The following LRRIQ1 variants were observed in gnomAD, a reference collection of about 807,000 sequenced individuals.
The protein encoded by LRRIQ1 is leucine-rich repeat- and IQ domain-containing protein 1.
In LRRIQ1, 210 loss-of-function variants were observed where a neutral mutation model predicts 211.9. That is an observed-to-expected ratio of 0.99 (90% CI 0.89 to 1.11). The LOEUF is 1.11. Among genes scored for constraint, LRRIQ1 ranks in the 50% most tolerant of loss-of-function variants. The pLI is 0.00. For synonymous variants in LRRIQ1, 699 were observed against 650.1 expected (o/e 1.08, Z -1.14); for missense variants, 2,136 against 1,939.5 (o/e 1.10, Z -1.90).
At chr12:85,214,503 G>C (rs1437294546) in intron 24 of LRRIQ1, among the ~76,000 whole-genome samples, 1 of 152,082 alleles carries the variant, frequency 6.6e-6, no homozygotes, top group Non-Finnish European at 1.5e-5. Flanking sequence ...GGTATGATAT[G>C]GTGGTAATTG....
chr12:85,190,292 T>A (rs1287157689), intron 24 of LRRIQ1, among the ~76,000 whole-genome samples: 3 of 145,510 alleles, frequency 2.1e-5, no homozygotes, highest in African/African-American at 7.4e-5. Context: ...ATACAGTTAA[T>A]AATTTATGTT....
chr12:85,146,300 C>A (rs1294831354), intron 19 of LRRIQ1, among the ~76,000 whole-genome samples: 1 of 151,712 alleles, frequency 6.6e-6, no homozygotes, highest in African/African-American at 2.4e-5. Flanking sequence ...TAATTGTCCA[C>A]CCCATGGGAT....
At chr12:85,184,066 C>T (rs560676306) in intron 24 of LRRIQ1, among the ~76,000 whole-genome samples, 2 of 152,068 alleles carry the variant, frequency 1.3e-5, no homozygotes, top group Admixed American at 1.3e-4. Context: ...TTTCCTGTCC[C>T]TAAATAAGGT....
chr12:85,099,144 A>G (rs1024178688), intron 13 of LRRIQ1, 150 bp downstream of exon 13: 27 of 424,548 alleles, frequency 6.4e-5, no homozygotes, highest in Middle Eastern at 1.4e-3. Context: ...AAATAACATT[A>G]TAGAATTTTT....
chr12:85,199,045 C>T (rs1244054289), intron 24 of LRRIQ1, among the ~76,000 whole-genome samples: 1 of 152,088 alleles, frequency 6.6e-6, no homozygotes, highest in Non-Finnish European at 1.5e-5. Context: ...CAAGTATTTT[C>T]TCCCGTTCTG....
intron 24 of LRRIQ1, among the ~76,000 whole-genome samples, chr12:85,229,179 T>C (rs2137177373): frequency 6.6e-6 from 1 of 152,220 alleles, no homozygotes; most frequent in East Asian, 1.9e-4. Flanking sequence ...AAAAGACAGA[T>C]AGGGAACAGA....
At chr12:85,077,593 G>C (rs1203425030) in intron 11 of LRRIQ1, among the ~76,000 whole-genome samples, 2 of 152,104 alleles carry the variant, frequency 1.3e-5, no homozygotes, top group Non-Finnish European at 2.9e-5. Context: ...TCCTAAGATA[G>C]GACTTGCTAT....
At chr12:85,212,152 G>A (rs139539563) in intron 24 of LRRIQ1, among the ~76,000 whole-genome samples, 336 of 152,100 alleles carry the variant, frequency 2.2e-3, no homozygotes, top group African/African-American at 7.8e-3. Context: ...AGGTGTGGTG[G>A]CATGCACCTG....
At chr12:85,250,962 T>TAATATATTTTATATATTA (rs71076119) in intron 1 of LRRIQ1, among the ~76,000 whole-genome samples, 60 of 80,982 alleles carry the variant, frequency 7.4e-4, no homozygotes, top group East Asian at 1.2e-3. Flanking sequence ...ATATTATATA[T>TAATATATTTTATATATTA]TATATTATAT....
At chr12:85,117,816 A>T (rs1333270017) in intron 15 of LRRIQ1, among the ~76,000 whole-genome samples, 2 of 152,188 alleles carry the variant, frequency 1.3e-5, no homozygotes, top group Non-Finnish European at 2.9e-5. Flanking sequence ...TCATTAGTTC[A>T]TACCTGGCAT....
intron 24 of LRRIQ1, among the ~76,000 whole-genome samples, chr12:85,183,876 T>C (rs191242750): frequency 6.6e-6 from 1 of 152,242 alleles, no homozygotes; most frequent in African/African-American, 2.4e-5. Flanking sequence ...TCTTATAAAA[T>C]CTGTTTATGT....
In LRRIQ1 at chr12:85,124,457, G is replaced by A. The variant is rs776060819; in HGVS notation, c.3945G>A (p.Lys1315=). 6 of 1,613,686 alleles carry A rather than the reference G, an allele frequency of 3.7e-6. No homozygotes were observed. Among genetic ancestry groups the A allele is most frequent in the Admixed American group, 3.3e-5 (2 of 60,006 alleles). ...SSIPTIRIPF[K]EVVMTNSLLR... Reference sequence around the variant, plus strand: ...TTCCCACCATAAGAATCCCATTTAAGGAAGTAGTAATGACAAATTCTTTGC... The same window carrying A: ...TTCCCACCATAAGAATCCCATTTAAAGAAGTAGTAATGACAAATTCTTTGC... Residue 1315 remains lysine, a synonymous_variant, in exon 17 of 27, where the codon AAG becomes AAA. Coordinates refer to ENST00000393217, the MANE Select transcript of LRRIQ1 (RefSeq NM_001079910.2).
intron 11 of LRRIQ1, among the ~76,000 whole-genome samples, chr12:85,080,379 A>G (rs1381286758): frequency 6.6e-6 from 1 of 151,752 alleles, no homozygotes; most frequent in Non-Finnish European, 1.5e-5. Flanking sequence ...ATGTTAACAG[A>G]TATAATTATT....
chr12:85,081,737 T>C (rs1884312991), intron 11 of LRRIQ1, among the ~76,000 whole-genome samples: 1 of 147,080 alleles, frequency 6.8e-6, no homozygotes. Flanking sequence ...TTTTTTTTTT[T>C]TTTTTTGAGA....
intron 24 of LRRIQ1, among the ~76,000 whole-genome samples, chr12:85,168,707 C>A (rs1296086293): frequency 6.6e-6 from 1 of 152,132 alleles, no homozygotes; most frequent in Admixed American, 6.5e-5. Context: ...AGGGCATACA[C>A]AGCCTTCTGG....
chr12:85,087,543 A>G (rs1055976101), intron 11 of LRRIQ1, among the ~76,000 whole-genome samples: 2 of 152,220 alleles, frequency 1.3e-5, no homozygotes, highest in Non-Finnish European at 2.9e-5. Context: ...TGGTTGAACT[A>G]GTTTACAGTC....
chr12:85,099,725 A>G (rs1034632470), intron 13 of LRRIQ1, among the ~76,000 whole-genome samples: 2 of 151,948 alleles, frequency 1.3e-5, no homozygotes, highest in East Asian at 1.9e-4. Context: ...AAGTTATACA[A>G]TGCTCACAAA....
intron 11 of LRRIQ1, among the ~76,000 whole-genome samples, chr12:85,096,557 T>C (rs1885896002): frequency 6.6e-6 from 1 of 152,154 alleles, no homozygotes; most frequent in African/African-American, 2.4e-5. Context: ...TTTAATTCAT[T>C]CAGACATGCT....
intron 24 of LRRIQ1, among the ~76,000 whole-genome samples, chr12:85,202,578 A>G (rs530002430): frequency 6.6e-6 from 1 of 152,066 alleles, no homozygotes; most frequent in South Asian, 2.1e-4. Context: ...TTTAAAGTCT[A>G]TTTTGTCTGA....
Sources: gnomAD v4.1 joint callset for allele counts (sites outside exome capture counted in the v4.1 genomes callset) on GRCh38, gnomAD v4.1.1 for gene constraint, MANE v1.5 for transcripts, NCBI Gene and HGNC (gene_info 2026-07-23, HGNC 2026-07-21) for gene names.